The following CUBN variants were observed in gnomAD, a reference collection of about 807,000 sequenced individuals.
The protein encoded by CUBN is 460 kDa receptor.
A neutral mutation model predicts 405.3 loss-of-function variants in CUBN; 282 were observed. The observed-to-expected ratio is 0.70, with a 90% CI of 0.63 to 0.77. CUBN has a LOEUF of 0.77. CUBN is among the 30% of genes least tolerant of loss of function. CUBN has a pLI of 0.00. For missense variants in CUBN, 4,514 were observed against 4,475.2 expected (o/e 1.01, Z -0.25); for synonymous variants, 1,684 against 1,617.0 (o/e 1.04, Z -0.99).
At chr10:16,949,464 T>TGTGTGTG (rs1554798711) in intron 34 of CUBN, among the ~76,000 whole-genome samples, 3,259 of 71,640 alleles carry the variant, frequency 0.045, 120 homozygotes, top group Admixed American at 0.16. Flanking sequence ...TGTGTGTGTG[T>TGTGTGTG]AGTGTGTGTG....
intron 14 of CUBN, among the ~76,000 whole-genome samples, chr10:17,093,661 G>A (rs1836312842): frequency 2.0e-5 from 3 of 151,728 alleles, no homozygotes; most frequent in Non-Finnish European, 2.9e-5. Context: ...AACTGACTAG[G>A]CCTGTGAGGA....
intron 17 of CUBN, among the ~76,000 whole-genome samples, chr10:17,072,627 A>T (rs1029312169): frequency 6.6e-6 from 1 of 152,224 alleles, no homozygotes; most frequent in Non-Finnish European, 1.5e-5. Flanking sequence ...AAAACTTAAT[A>T]AATGAAATAC....
chr10:16,913,391 C>G (rs1172570921), intron 48 of CUBN, among the ~76,000 whole-genome samples: 2 of 152,146 alleles, frequency 1.3e-5, no homozygotes, highest in East Asian at 3.8e-4. Context: ...CGTAGCAGTG[C>G]TCTCCCACCA....
At position 16,899,035 on chromosome 10, in the gene CUBN, G is replaced by T. The variant is rs1270162380; in HGVS notation, c.8559C>A (p.Ile2853=). 6 of 1,613,482 alleles carry T rather than the reference G, an allele frequency of 3.7e-6. No homozygotes were observed. The highest frequency in any genetic ancestry group is 2.2e-5 in the East Asian group (1 of 44,878). ...TCTGACATTGTCCATCACCGCTGGG[G>T]ATTAGGAAGTTGTTGTCAAAGCTGA... ...LEISFDNNFL[I]PSGDGQCQNS... is the part of the protein sequence containing the mutation. Residue 2853 remains isoleucine, a synonymous_variant, in exon 54 of 67, where the codon ATC becomes ATA. Coordinates refer to ENST00000377833, the MANE Select transcript of CUBN (RefSeq NM_001081.4).
chr10:17,113,884 T>C, intron 8 of CUBN, 143 bp downstream of exon 8: 1 of 820,438 alleles, frequency 1.2e-6, no homozygotes, highest in South Asian at 1.5e-5. Context: ...AGCAGTGAGA[T>C]CGTCGAGCAG....
In CUBN at chr10:16,954,452, A is replaced by G; in HGVS notation, c.4792T>C (p.Phe1598Leu). Residue 1598 changes from phenylalanine (F) to leucine (L), a missense_variant, in exon 32 of 67, where the codon TTC becomes CTC. This residue lies in a region of CUBN where 1,613 missense variants were observed against 1,542.8 expected (regional missense o/e 1.05). Coordinates refer to ENST00000377833, the MANE Select transcript of CUBN (RefSeq NM_001081.4). ...GAAGGGCCAGACTGAAATCTCAAGAAGAGGCTGTTTCCTGAGGAGACGATG... is the reference window on the plus strand; with the variant it reads ...GAAGGGCCAGACTGAAATCTCAAGAGGAGGCTGTTTCCTGAGGAGACGATG... ...NPIVSSGNSL[F>L]LRFQSGPSRQ... is the part of the protein sequence containing the mutation. 1 of 1,614,144 alleles carries G rather than the reference A, an allele frequency of 6.2e-7. No homozygotes were observed. Among genetic ancestry groups the G allele is most frequent in the African/African-American group, 1.3e-5 (1 of 75,030 alleles).
intron 64 of CUBN, among the ~76,000 whole-genome samples, chr10:16,833,269 G>C (rs1839062153): frequency 1.3e-5 from 2 of 150,180 alleles, no homozygotes; most frequent in Admixed American, 1.3e-4. Flanking sequence ...CCATGGTGGG[G>C]GAGGTACACA....
chr10:17,018,115 G>C lies in CUBN; in HGVS notation c.4168+1718C>G, dbSNP rs193266853. On this transcript the variant is annotated intron_variant, in intron 28 of 66. Coordinates refer to ENST00000377833, the MANE Select transcript of CUBN (RefSeq NM_001081.4). ...CTCCGAAGAGTTGGGGGTTGTTAGA[G>C]AGCCGTTTCCCAGAAAGCCTGACAC... Among the ~76,000 whole-genome samples the C allele has an allele frequency of 2.1e-4, 32 of 152,250 alleles. No homozygotes were observed. The East Asian group carries it at 6.0e-3, about 29-fold the overall frequency.
intron 60 of CUBN, among the ~76,000 whole-genome samples, chr10:16,847,473 C>A (rs925029194): frequency 1.4e-5 from 2 of 144,560 alleles, no homozygotes; most frequent in African/African-American, 2.6e-5. Flanking sequence ...AACAGCAAGA[C>A]TCCAACTAAA....
At chr10:17,125,735 T>C (rs1032450706) in intron 4 of CUBN, among the ~76,000 whole-genome samples, 4 of 152,118 alleles carry the variant, frequency 2.6e-5, no homozygotes, top group Admixed American at 6.6e-5. Context: ...CATTCAACAT[T>C]CCTCCTGAGG....
chr10:16,888,458 A>C lies in CUBN; in HGVS notation c.8864T>G (p.Leu2955Arg), dbSNP rs1840886279. ...NCTYVIEANP[L>R]SVVLLTFVSF... ...CACAAAAGTCAAGAGGACCACTGACAGAGGATTAGCCTCTATGACATAGGT... is the reference window on the plus strand; with the variant it reads ...CACAAAAGTCAAGAGGACCACTGACCGAGGATTAGCCTCTATGACATAGGT... The change falls in exon 56 of 67, where the codon CTG becomes CGG. Residue 2955 changes from leucine to arginine, a missense_variant. By Grantham distance (102) the Leu-to-Arg change is moderately radical (BLOSUM62 -2). Coordinates refer to ENST00000377833, the MANE Select transcript of CUBN (RefSeq NM_001081.4). The C allele has an allele frequency of 6.2e-7, 1 of 1,613,442 alleles. No individual in the cohort carries two copies. Among genetic ancestry groups the C allele is most frequent in the South Asian group, 1.1e-5 (1 of 91,082 alleles).
At chr10:17,123,779 CT>C in intron 4 of CUBN, 90 bp from the exon 5 acceptor site, 1 of 816,400 alleles carries the variant, frequency 1.2e-6, no homozygotes, top group East Asian at 2.6e-5. Context: ...ACATTTAACT[CT>C]TAATCAGTGG....
Position 16,936,426 on chromosome 10 carries a change from G to C in CUBN, c.5926+1166C>G, listed in dbSNP as rs192646129. On this transcript the variant is annotated intron_variant, in intron 39 of 66. Coordinates refer to ENST00000377833, the MANE Select transcript of CUBN (RefSeq NM_001081.4). ...TGTCATGAAAGCACCTTATTAGAGA[G>C]GTAGGAACAACATTTCAGAATGGAA... Among the ~76,000 whole-genome samples, 201 of 152,114 alleles carry C rather than the reference G, an allele frequency of 1.3e-3. 1 individual carries two copies. Among genetic ancestry groups the C allele is most frequent in the Admixed American group, 7.1e-3 (109 of 15,274 alleles).
intron 14 of CUBN, among the ~76,000 whole-genome samples, chr10:17,094,601 T>G (rs1836333287): frequency 6.6e-6 from 1 of 152,090 alleles, no homozygotes; most frequent in Non-Finnish European, 1.5e-5. Context: ...GTTGCATTTC[T>G]ATACATTAAC....
chr10:16,865,948 C>A (rs1281515307), intron 59 of CUBN, among the ~76,000 whole-genome samples: 1 of 152,080 alleles, frequency 6.6e-6, no homozygotes, highest in Non-Finnish European at 1.5e-5. Flanking sequence ...ACAAACCCAC[C>A]AGAAGGAACC....
chr10:16,924,507 C>CAT (rs747956214), intron 43 of CUBN, among the ~76,000 whole-genome samples: 153 of 150,992 alleles, frequency 1.0e-3, no homozygotes, highest in Middle Eastern at 6.9e-3. Flanking sequence ...ATTTCATTTA[C>CAT]ATATATATAT....
intron 31 of CUBN, among the ~76,000 whole-genome samples, chr10:16,959,372 G>A (rs1232568070): frequency 2.0e-5 from 3 of 152,170 alleles, no homozygotes; most frequent in Non-Finnish European, 4.4e-5. Flanking sequence ...GTTCACGCCT[G>A]TAATCCCAGA....
Position 17,115,521 on chromosome 10 carries a change from G to C in CUBN, c.670C>G (p.Arg224Gly). Residue 224 changes from arginine (R) to glycine (G), a missense_variant, in exon 7 of 67, where the codon CGC becomes GGC. Coordinates refer to ENST00000377833, the MANE Select transcript of CUBN (RefSeq NM_001081.4). ...YDDCEGGSVA[R>G]CVHGICEDLM... is the part of the protein sequence containing the mutation. ...TCCTCACAGATGCCATGGACACAGCGTGCCACAGAACCCCCTTCACAGTCG... is the reference window on the plus strand; with the variant it reads ...TCCTCACAGATGCCATGGACACAGCCTGCCACAGAACCCCCTTCACAGTCG... 1 of 1,614,122 alleles carries C rather than the reference G, an allele frequency of 6.2e-7. No individual in the cohort carries two copies. The highest frequency in any genetic ancestry group is 8.5e-7 in the Non-Finnish European group (1 of 1,180,022).
At chr10:17,022,923 G>C (rs1439056031) in intron 27 of CUBN, among the ~76,000 whole-genome samples, 2 of 152,184 alleles carry the variant, frequency 1.3e-5, no homozygotes, top group African/African-American at 4.8e-5. Context: ...ACATAGGTAA[G>C]ATTTCTCCAT....
Sources: allele counts gnomAD v4.1 joint callset (sites outside exome capture counted in the v4.1 genomes callset), GRCh38; gene constraint gnomAD v4.1.1; regional missense constraint gnomAD v4.1.1; transcripts MANE v1.5; gene names NCBI Gene and HGNC (gene_info 2026-07-23, HGNC 2026-07-21).